The following GATAD2B variants were observed in gnomAD, a reference collection of about 807,000 sequenced individuals.
GATAD2B encodes GATA zinc finger domain containing 2B.
In GATAD2B, 8 loss-of-function variants were observed where a neutral mutation model predicts 64.3. The ratio of observed to expected loss-of-function variants is 0.12; its 90% CI spans 0.07 to 0.22. The LOEUF (loss-of-function observed/expected upper bound fraction) is 0.22, where lower values mean the gene tolerates loss of function less well. Ranked by LOEUF, GATAD2B falls within the 10% of genes least tolerant of loss-of-function variation. The pLI is 1.00. For synonymous variants in GATAD2B, 281 were observed against 271.3 expected, an observed-to-expected ratio of 1.04 and a Z score of -0.35; for missense variants, 453 against 752.0, an observed-to-expected ratio of 0.60 and a Z score of 4.65.
At chr1:153,917,584 G>A (rs989760026) in intron 1 of GATAD2B, among the ~76,000 whole-genome samples, 17 of 151,392 alleles carry the variant, frequency 1.1e-4, no homozygotes, top group African/African-American at 1.2e-4. Context: ...TAGTAGACAC[G>A]GGGTTTCACC....
At chr1:153,875,061 A>T (rs2101933629) in intron 1 of GATAD2B, among the ~76,000 whole-genome samples, 2 of 152,048 alleles carry the variant, frequency 1.3e-5, no homozygotes, top group Admixed American at 1.3e-4. Context: ...TCTTGTAAGC[A>T]AAGATGGGGT....
chr1:153,903,522 G>A (rs1186224984), intron 1 of GATAD2B, among the ~76,000 whole-genome samples: 1 of 152,100 alleles, frequency 6.6e-6, no homozygotes, highest in Non-Finnish European at 1.5e-5. Flanking sequence ...AAGTACTTTT[G>A]AGTACTAGTA....
In GATAD2B at chr1:153,816,528, C is replaced by T. The variant is rs369041948; in HGVS notation, c.961G>A (p.Ala321Thr). 3 of 1,613,386 alleles carry T rather than the reference C, an allele frequency of 1.9e-6. No homozygotes were observed. In the South Asian group the frequency reaches 3.3e-5, roughly 18 times the overall value. The change falls in exon 7 of 11, where the codon GCT (alanine) becomes ACT (threonine). Residue 321 changes from alanine (A) to threonine (T), a missense_variant. By Grantham distance (58) the Ala-to-Thr change is moderately conservative (BLOSUM62 0). Coordinates refer to ENST00000368655, the MANE Select transcript of GATAD2B (RefSeq NM_020699.4). This position sits in a 1 kb window ranked among gnomAD's most constrained non-coding sequence, Gnocchi z 4.9. ...TTSSAIYMNL[A>T]SHIQPGTVNR... ...ACCGTCCCTGGCTGGATATGAGAAGCAAGGTTCATATAGATGGCAGAGGAT... is the reference window on the plus strand; with the variant it reads ...ACCGTCCCTGGCTGGATATGAGAAGTAAGGTTCATATAGATGGCAGAGGAT...
intron 1 of GATAD2B, among the ~76,000 whole-genome samples, chr1:153,845,947 C>A (rs566478625): frequency 4.2e-5 from 6 of 142,110 alleles, no homozygotes; most frequent in Admixed American, 3.5e-4. Flanking sequence ...AACTACCGCC[C>A]CCCCCCCGCC....
chr1:153,820,693 G>C (rs923436666), intron 2 of GATAD2B, among the ~76,000 whole-genome samples: 1 of 149,486 alleles, frequency 6.7e-6, no homozygotes, highest in South Asian at 2.1e-4. Context: ...CCAGTGGCCC[G>C]ATCACAGCTC....
intron 1 of GATAD2B, among the ~76,000 whole-genome samples, chr1:153,834,004 GTTT>G (rs1675177143): frequency 6.7e-6 from 1 of 149,760 alleles, no homozygotes; most frequent in South Asian, 2.1e-4. Flanking sequence ...TTTTTTGGTT[GTTT>G]TTTGTTTGTT....
intron 1 of GATAD2B, among the ~76,000 whole-genome samples, chr1:153,857,428 A>G (rs1676125571): frequency 6.6e-6 from 1 of 152,190 alleles, no homozygotes; most frequent in African/African-American, 2.4e-5. Flanking sequence ...CCTGGGCGAC[A>G]GAGGGAGACT....
chr1:153,872,939 T>C (rs1676715135), intron 1 of GATAD2B, among the ~76,000 whole-genome samples: 1 of 152,212 alleles, frequency 6.6e-6, no homozygotes, highest in Non-Finnish European at 1.5e-5. Context: ...AAATTAATTT[T>C]TACTGCTTCA....
At chr1:153,915,758 A>AG (rs1482376098) in intron 1 of GATAD2B, among the ~76,000 whole-genome samples, 8 of 151,192 alleles carry the variant, frequency 5.3e-5, no homozygotes, top group African/African-American at 1.7e-4. Context: ...AAAAAAAAAA[A>AG]AAAGAAAAGA....
At chr1:153,844,382 C>G (rs1367919275) in intron 1 of GATAD2B, among the ~76,000 whole-genome samples, 1 of 142,848 alleles carries the variant, frequency 7.0e-6, no homozygotes, top group Non-Finnish European at 1.5e-5. Context: ...TAGCCCTAAA[C>G]TAAGTACTGC....
At chr1:153,895,432 C>T (rs116763027) in intron 1 of GATAD2B, among the ~76,000 whole-genome samples, 3,057 of 150,934 alleles carry the variant, frequency 0.02, 110 homozygotes, top group African/African-American at 0.071. Context: ...GGTACAGAAC[C>T]AACCAGTCGT....
At chr1:153,916,996 TG>T (rs1279282363) in intron 1 of GATAD2B, among the ~76,000 whole-genome samples, 2 of 150,444 alleles carry the variant, frequency 1.3e-5, no homozygotes, top group Admixed American at 1.3e-4. Context: ...TTAGTAGAGA[TG>T]GGGTTTCACC....
At chr1:153,912,088 A>ATATC (rs1678125969) in intron 1 of GATAD2B, among the ~76,000 whole-genome samples, 1 of 152,236 alleles carries the variant, frequency 6.6e-6, no homozygotes, top group Admixed American at 6.5e-5. Context: ...CTCTTCGGTG[A>ATATC]TATCTACCCA....
chr1:153,813,589 A>G, intron 7 of GATAD2B, 137 bp from the exon 8 acceptor site: 1 of 649,566 alleles, frequency 1.5e-6, no homozygotes, highest in East Asian at 2.7e-5. Flanking sequence ...TCTATAATTT[A>G]CAAAATACTT....
intron 7 of GATAD2B, among the ~76,000 whole-genome samples, chr1:153,815,120 A>AAC (rs1674419861): frequency 7.3e-6 from 1 of 136,374 alleles, no homozygotes; most frequent in African/African-American, 2.7e-5. Context: ...AAACCAACAA[A>AAC]GAAAAAAACT....
chr1:153,913,908 A>C (rs1678176844), intron 1 of GATAD2B, among the ~76,000 whole-genome samples: 1 of 143,114 alleles, frequency 7.0e-6, no homozygotes, highest in Admixed American at 7.4e-5. Flanking sequence ...TGACAGAGCA[A>C]GACTCTGTCA....
intron 1 of GATAD2B, among the ~76,000 whole-genome samples, chr1:153,899,339 T>C (rs1362474136): frequency 2.0e-5 from 3 of 151,960 alleles, no homozygotes; most frequent in Non-Finnish European, 4.4e-5. Flanking sequence ...GAGGCCAAGG[T>C]GGGCGGATCA....
intron 2 of GATAD2B, among the ~76,000 whole-genome samples, chr1:153,821,872 C>G (rs1409543777): frequency 3.3e-5 from 5 of 151,614 alleles, no homozygotes; most frequent in African/African-American, 1.2e-4. Flanking sequence ...GGCCTGAATT[C>G]ATTTTTAAAG....
chr1:153,896,699 G>A (rs1677604981), intron 1 of GATAD2B, among the ~76,000 whole-genome samples: 1 of 152,046 alleles, frequency 6.6e-6, no homozygotes, highest in African/African-American at 2.4e-5. Context: ...GCCTCCCAAA[G>A]TGCTGGGATT....
Sources: allele counts gnomAD v4.1 joint callset (sites outside exome capture counted in the v4.1 genomes callset), GRCh38; gene constraint gnomAD v4.1.1; non-coding constraint Gnocchi (gnomAD v3.1); transcripts MANE v1.5; gene names NCBI Gene and HGNC (gene_info 2026-07-23, HGNC 2026-07-21).